The following PPP6R1 variants were observed in gnomAD, a reference collection of about 807,000 sequenced individuals.
PPP6R1 encodes the protein protein phosphatase 6 regulatory subunit 1, also known as serine/threonine-protein phosphatase 6 regulatory subunit 1.
PPP6R1 carries 39 observed loss-of-function variants against 104.6 expected under a neutral mutation model. The ratio of observed to expected loss-of-function variants is 0.37; its 90% CI spans 0.29 to 0.49. The LOEUF is 0.49. PPP6R1 is among the 20% of genes least tolerant of loss of function. The pLI, the probability that PPP6R1 is intolerant of heterozygous loss-of-function variation, is 0.98. For missense variants in PPP6R1, 1,181 were observed against 1,155.8 expected (o/e 1.02, Z -0.32); for synonymous variants, 549 against 479.0 (o/e 1.15, Z -1.91).
rs563090407 is a variant in PPP6R1 at position 55,235,088 on chromosome 19, C to T, written c.1988+1555G>A. 3.9e-5 allele frequency among the ~76,000 whole-genome samples: 6 copies of T among 152,058 alleles called. No individual in the cohort carries two copies. The South Asian group carries it at 1.0e-3, about 26-fold the overall frequency. ...ATAAAAAGTGAAAACAGCCTAATTC[C>T]GAAATCAAAAGTCATGAGTCAAAAA... On this transcript the variant is annotated intron_variant, in intron 17 of 23. Transcript: ENST00000412770.
chr19:55,236,091 C>G (rs2087396422), intron 17 of PPP6R1, among the ~76,000 whole-genome samples: 1 of 150,316 alleles, frequency 6.7e-6, no homozygotes, highest in Admixed American at 6.6e-5. Flanking sequence ...TTGGCCTCCT[C>G]CCGAAGTACT....
Position 55,239,638 on chromosome 19 carries a change from G to T in PPP6R1, c.1609C>A (p.Arg537=). Residue 537 remains arginine, a synonymous_variant, in exon 14 of 24, where the codon CGG becomes AGG. Coordinates refer to ENST00000412770, the MANE Select transcript of PPP6R1 (RefSeq NM_014931.4). ...TCAGGGAAGTTGAACTCCTTGAGCCGGTCGTCCTCATCGTCACTGGAGGAG... is the reference window on the plus strand; with the variant it reads ...TCAGGGAAGTTGAACTCCTTGAGCCTGTCGTCCTCATCGTCACTGGAGGAG... ...LHSSSDDEDD[R]LKEFNFPEEA... The T allele has an allele frequency of 1.2e-6, 2 of 1,612,136 alleles. No individual in the cohort carries two copies. Among genetic ancestry groups the T allele is most frequent in the Non-Finnish European group, 1.7e-6 (2 of 1,179,102 alleles).
At position 55,239,680 on chromosome 19, in the gene PPP6R1, T is replaced by G; in HGVS notation, c.1567A>C (p.Asn523His). The change falls in exon 14 of 24, where the codon AAC (asparagine) becomes CAC (histidine). Residue 523 changes from asparagine to histidine, a missense_variant. Coordinates refer to ENST00000412770, the MANE Select transcript of PPP6R1 (RefSeq NM_014931.4). ...CTGGAGGAGTGTAGGTGGTGGGTGT[T>G]CACCTGGGGAGAGGAGGGGGCGTCA... ...TNKKNMVDLV[N>H]THHLHSSSDD... is the part of the protein sequence containing the mutation. 6.2e-7 allele frequency: 1 copy of G among 1,610,354 alleles called. No homozygotes were observed. Among genetic ancestry groups the G allele is most frequent in the Non-Finnish European group, 8.5e-7 (1 of 1,178,128 alleles).
chr19:55,253,888 C>T (rs1164599956), intron 1 of PPP6R1, among the ~76,000 whole-genome samples: 1 of 152,144 alleles, frequency 6.6e-6, no homozygotes, highest in Non-Finnish European at 1.5e-5. Context: ...CTCTGAGTCT[C>T]ATTTCCTCAT....
At position 55,239,686 on chromosome 19, in the gene PPP6R1, G is replaced by T; in HGVS notation, c.1564-3C>A. The T allele has an allele frequency of 6.2e-7, 1 of 1,608,116 alleles. No homozygotes were observed. Among genetic ancestry groups the T allele is most frequent in the African/African-American group, 1.3e-5 (1 of 74,924 alleles). On this transcript the variant is annotated splice_region_variant and splice_polypyrimidine_tract_variant and intron_variant, in intron 13 of 23. Coordinates refer to ENST00000412770, the MANE Select transcript of PPP6R1 (RefSeq NM_014931.4). ...GAGTGTAGGTGGTGGGTGTTCACCT[G>T]GGGAGAGGAGGGGGCGTCAGGGCCT...
At chr19:55,235,541 CAG>C (rs2087389572) in intron 17 of PPP6R1, among the ~76,000 whole-genome samples, 1 of 148,014 alleles carries the variant, frequency 6.8e-6, no homozygotes, top group African/African-American at 2.5e-5. Flanking sequence ...TTTTCTGAGA[CAG>C]AGTCTCGCTC....
chr19:55,249,092 G>A (rs12983684), intron 1 of PPP6R1, among the ~76,000 whole-genome samples: 20,715 of 152,138 alleles, frequency 0.14, 1,547 homozygotes, highest in African/African-American at 0.17. Flanking sequence ...GAAGAGTTCC[G>A]TGACCAACGA....
downstream of PPP6R1, chr19:55,228,716 G>A: frequency 6.2e-7 from 1 of 1,613,338 alleles, no homozygotes; most frequent in East Asian, 2.2e-5. Context: ...AGTCTTCAGG[G>A]TCTGCCCCGC....
intron 17 of PPP6R1, among the ~76,000 whole-genome samples, chr19:55,234,622 C>T (rs1040563052): frequency 3.3e-5 from 5 of 152,118 alleles, no homozygotes; most frequent in African/African-American, 4.8e-5. Flanking sequence ...ACCAACAACA[C>T]GTGCAAGGGT....
intron 22 of PPP6R1, 29 bp from the exon 23 acceptor site, chr19:55,230,713 G>A (rs1159408025): frequency 2.0e-6 from 3 of 1,536,378 alleles, no homozygotes; most frequent in Non-Finnish European, 2.6e-6. Flanking sequence ...GATGTGCAGA[G>A]GTCACTTCCT....
At chr19:55,258,030 C>T (rs1005497579) in intron 1 of PPP6R1, among the ~76,000 whole-genome samples, 1 of 152,198 alleles carries the variant, frequency 6.6e-6, no homozygotes, top group Non-Finnish European at 1.5e-5. Context: ...GGTGGCGGGG[C>T]AGAGATCGGG....
At chr19:55,239,232 C>T (rs2087426271) in intron 15 of PPP6R1, 173 bp downstream of exon 15, 6 of 633,900 alleles carry the variant, frequency 9.5e-6, no homozygotes, top group South Asian at 3.7e-5. Flanking sequence ...GAGGCAGACA[C>T]ACGAGGCTGC....
At chr19:55,232,557 G>A (rs13343928) in intron 17 of PPP6R1, 99,633 of 271,852 alleles carry the variant, frequency 0.37, 19,011 homozygotes, top group East Asian at 0.54. Flanking sequence ...CCTCCCAGCC[G>A]TCACCTCACA....
At chr19:55,232,264 C>A (rs2087356424) in intron 17 of PPP6R1, 53 bp from the exon 18 acceptor site, 2 of 1,494,122 alleles carry the variant, frequency 1.3e-6, no homozygotes, top group African/African-American at 2.8e-5. Context: ...CCGGCCGACA[C>A]CCATCCTGTT....
chr19:55,253,731 C>T (rs2087571531), intron 1 of PPP6R1, among the ~76,000 whole-genome samples: 3 of 152,186 alleles, frequency 2.0e-5, no homozygotes, highest in Admixed American at 2.0e-4. Flanking sequence ...AAACTTTCCC[C>T]CACCACAACC....
downstream of PPP6R1, chr19:55,228,412 C>T (rs1200196110): frequency 3.7e-6 from 6 of 1,613,058 alleles, no homozygotes; most frequent in South Asian, 5.5e-5. Flanking sequence ...GATGAAGGGG[C>T]TCAGCCACCT....
intron 17 of PPP6R1, among the ~76,000 whole-genome samples, chr19:55,235,107 T>C (rs1342444735): frequency 6.6e-6 from 1 of 151,678 alleles, no homozygotes; most frequent in African/African-American, 2.4e-5. Flanking sequence ...AAGTCATGAG[T>C]CAAAAACTCA....
chr19:55,241,322 T>C lies in PPP6R1; in HGVS notation c.1078A>G (p.Lys360Glu). 6.2e-7 allele frequency: 1 copy of C among 1,611,848 alleles called. No homozygotes were observed. Among genetic ancestry groups the C allele is most frequent in the Non-Finnish European group, 8.5e-7 (1 of 1,179,732 alleles). The change falls in exon 9 of 24, where the codon AAG (lysine) becomes GAG (glutamate). Residue 360 changes from lysine to glutamate, a missense_variant. Coordinates refer to ENST00000412770, the MANE Select transcript of PPP6R1 (RefSeq NM_014931.4). This position sits in a 1 kb window ranked among gnomAD's most constrained non-coding sequence, Gnocchi z 5.4. ...GCGCTCAGGGCACTGGCCAGGAGCT[T>C]GACCACGTGCAGCCGCGTGTTGCCC... ...PLGNTRLHVV[K>E]LLASALSAND...
intron 13 of PPP6R1, 28 bp downstream of exon 13, chr19:55,239,798 G>A (rs767855507): frequency 1.2e-6 from 2 of 1,609,058 alleles, no homozygotes; most frequent in Non-Finnish European, 1.7e-6. Flanking sequence ...GCAGCAGGAG[G>A]AGTGCAGGAA....
Sources: gnomAD v4.1 joint callset for allele counts (sites outside exome capture counted in the v4.1 genomes callset) on GRCh38, gnomAD v4.1.1 for gene constraint, Gnocchi (gnomAD v3.1) non-coding constraint, MANE v1.5 for transcripts, NCBI Gene and HGNC (gene_info 2026-07-23, HGNC 2026-07-21) for gene names.